CDK19: variants seen among roughly 807,000 people sequenced by gnomAD.
The protein encoded by CDK19 is cyclin-dependent kinase 19.
A neutral mutation model predicts 68.3 loss-of-function variants in CDK19; 20 were observed. The ratio of observed to expected loss-of-function variants is 0.29; its 90% confidence interval spans 0.21 to 0.43. The LOEUF (loss-of-function observed/expected upper bound fraction) is 0.43, where lower values mean the gene tolerates loss of function less well. Ranked by LOEUF, CDK19 falls within the 20% of genes least tolerant of loss-of-function variation. The pLI is 1.00. For synonymous variants in CDK19, 221 were observed against 222.8 expected (o/e 0.99, Z 0.07); for missense variants, 339 against 623.5 (o/e 0.54, Z 4.86).
chr6:110,768,428 C>T (rs1219614433), intron 1 of CDK19, among the ~76,000 whole-genome samples: 1 of 152,152 alleles, frequency 6.6e-6, no homozygotes, highest in Non-Finnish European at 1.5e-5. Context: ...TAAAGAAAAA[C>T]CTGCATACAA....
intron 2 of CDK19, among the ~76,000 whole-genome samples, chr6:110,698,718 C>G (rs1311596534): frequency 6.6e-6 from 1 of 152,154 alleles, no homozygotes; most frequent in East Asian, 1.9e-4. Flanking sequence ...TTTATCACAG[C>G]ACAATCCACA....
intron 2 of CDK19, among the ~76,000 whole-genome samples, chr6:110,736,067 C>T (rs1777228259): frequency 1.3e-5 from 2 of 152,278 alleles, no homozygotes; most frequent in African/African-American, 2.4e-5. Context: ...CTCAGCCAGG[C>T]GTGGTAGTTC....
intron 1 of CDK19, among the ~76,000 whole-genome samples, chr6:110,792,354 G>C (rs1395846471): frequency 6.6e-6 from 1 of 151,838 alleles, no homozygotes; most frequent in East Asian, 1.9e-4. Flanking sequence ...TAAAGTAAAA[G>C]AGCCCATCAT....
chr6:110,744,445 T>C (rs1408605128), intron 2 of CDK19, among the ~76,000 whole-genome samples: 2 of 152,096 alleles, frequency 1.3e-5, no homozygotes, highest in East Asian at 1.9e-4. Flanking sequence ...CAAGGCAGGA[T>C]TGCTTGAGGC....
At chr6:110,698,370 G>T (rs1239916548) in intron 2 of CDK19, among the ~76,000 whole-genome samples, 5 of 150,672 alleles carry the variant, frequency 3.3e-5, no homozygotes, top group African/African-American at 1.2e-4. Flanking sequence ...TTTCTCAAAA[G>T]AAGATATACA....
At chr6:110,796,767 G>A (rs796472726) in intron 1 of CDK19, among the ~76,000 whole-genome samples, 15 of 152,120 alleles carry the variant, frequency 9.9e-5, no homozygotes, top group African/African-American at 3.1e-4. Flanking sequence ...CCAGCACTTT[G>A]GGAGGCCAAG....
At chr6:110,734,969 C>T (rs1777130819) in intron 2 of CDK19, among the ~76,000 whole-genome samples, 1 of 152,018 alleles carries the variant, frequency 6.6e-6, no homozygotes, top group Non-Finnish European at 1.5e-5. Context: ...TAGTAATGAC[C>T]TCAAATTCCT....
chr6:110,785,192 ACAATTTTT>A (rs1781118544), intron 1 of CDK19, among the ~76,000 whole-genome samples: 1 of 152,140 alleles, frequency 6.6e-6, no homozygotes, highest in Non-Finnish European at 1.5e-5. Context: ...GTACATTCTG[ACAATTTTT>A]GATAGCCAAT....
Position 110,631,981 on chromosome 6 carries a change from T to C in CDK19, c.646+49A>G, listed in dbSNP as rs776316598. 6 of 1,527,034 alleles carry C rather than the reference T, an allele frequency of 3.9e-6. No individual in the cohort carries two copies. The South Asian group carries it at 4.8e-5, about 12-fold the overall frequency. The allele number at this position is 1,527,034 out of a possible 1,614,324, so 94.6% of individuals were successfully genotyped here. A position where few individuals can be genotyped will look rare whatever the true frequency, so the allele number is the denominator to read the frequency against. On this transcript the variant is annotated intron_variant, in intron 6 of 12. Transcript: ENST00000368911. ...AGCTTTATTATTATACCATTTTATATTTATGATCGTTAGATGACAAGATAG... is the reference window on the plus strand; with the variant it reads ...AGCTTTATTATTATACCATTTTATACTTATGATCGTTAGATGACAAGATAG...
chr6:110,694,074 GAAA>G (rs778030187), intron 2 of CDK19, among the ~76,000 whole-genome samples: 2 of 102,950 alleles, frequency 1.9e-5, no homozygotes, highest in African/African-American at 3.5e-5. Context: ...ATAACACAAT[GAAA>G]AAAAAAAAAA....
Position 110,622,916 on chromosome 6 carries a change from G to T in CDK19, c.934-4C>A. 1 of 1,578,074 alleles carries T rather than the reference G, an allele frequency of 6.3e-7. No homozygotes were observed. Among genetic ancestry groups the T allele is most frequent in the Non-Finnish European group, 8.7e-7 (1 of 1,147,006 alleles). ...CCATGGTCAGGAGTTTCTGAAGCTA[G>T]AGTGACACACAGGAAATGTACAGCA... is the stretch of plus-strand genomic sequence containing the variant. On this transcript the variant is annotated splice_region_variant and splice_polypyrimidine_tract_variant and intron_variant, in intron 9 of 12. Transcript: ENST00000368911.
chr6:110,640,640 A>T (rs942041752), intron 4 of CDK19, among the ~76,000 whole-genome samples: 2 of 152,138 alleles, frequency 1.3e-5, no homozygotes, highest in Non-Finnish European at 2.9e-5. Context: ...CAATAAAGAG[A>T]AGGCGACAAC....
At chr6:110,631,625 G>A (rs976014515) in intron 6 of CDK19, among the ~76,000 whole-genome samples, 15 of 152,176 alleles carry the variant, frequency 9.9e-5, no homozygotes, top group African/African-American at 3.6e-4. Context: ...GAAACAATGT[G>A]ACTAACTTTT....
At chr6:110,640,286 G>A (rs1331585706) in intron 4 of CDK19, among the ~76,000 whole-genome samples, 9 of 150,754 alleles carry the variant, frequency 6.0e-5, no homozygotes, top group Non-Finnish European at 1.2e-4. Flanking sequence ...GAGGGTAGTA[G>A]GATGAACCTA....
intron 4 of CDK19, among the ~76,000 whole-genome samples, chr6:110,658,543 GT>G (rs1234872956): frequency 6.6e-6 from 1 of 152,112 alleles, no homozygotes; most frequent in African/African-American, 2.4e-5. Context: ...GCCTCTCTTA[GT>G]AATATATCAT....
At chr6:110,735,067 C>A (rs894853393) in intron 2 of CDK19, among the ~76,000 whole-genome samples, 37 of 151,640 alleles carry the variant, frequency 2.4e-4, no homozygotes, top group African/African-American at 8.7e-4. Flanking sequence ...CAGAATGGAT[C>A]AAAAATTTTA....
chr6:110,630,633 T>G (rs541039364), intron 6 of CDK19, among the ~76,000 whole-genome samples: 3 of 152,358 alleles, frequency 2.0e-5, no homozygotes, highest in African/African-American at 7.2e-5. Flanking sequence ...TTCCCTCACC[T>G]TTTGCAGACG....
intron 1 of CDK19, among the ~76,000 whole-genome samples, chr6:110,800,405 A>G (rs1006835171): frequency 2.6e-5 from 4 of 152,162 alleles, no homozygotes; most frequent in African/African-American, 9.7e-5. Context: ...ATCCTACTGA[A>G]ACTACTCCAA....
At chr6:110,684,328 A>G (rs548140541) in intron 2 of CDK19, among the ~76,000 whole-genome samples, 3 of 151,704 alleles carry the variant, frequency 2.0e-5, no homozygotes, top group South Asian at 4.2e-4. Context: ...TTGCATTGCT[A>G]TAAGACCCTA....
Sources: allele counts gnomAD v4.1 joint callset (sites outside exome capture counted in the v4.1 genomes callset), GRCh38; gene constraint gnomAD v4.1.1; transcripts MANE v1.5; gene names NCBI Gene and HGNC (gene_info 2026-07-23, HGNC 2026-07-21).